Variants in LTBP1 observed in about 807,000 individuals in gnomAD.
LTBP1 encodes latent-transforming growth factor beta-binding protein 1.
Under a neutral mutation model 207.6 loss-of-function variants are expected in LTBP1, and 129 were observed. That is an observed-to-expected ratio of 0.62 (90% confidence interval 0.54 to 0.72). The LOEUF (loss-of-function observed/expected upper bound fraction) is 0.72, where lower values mean the gene tolerates loss of function less well. Among genes scored for constraint, LTBP1 ranks in the 30% least tolerant of loss-of-function variants. The pLI, the probability that LTBP1 is intolerant of heterozygous loss-of-function variation, is 0.00. For synonymous variants in LTBP1, 963 were observed against 833.7 expected (o/e 1.16, Z -2.67); for missense variants, 2,281 against 2,217.2 (o/e 1.03, Z -0.58).
intron 31 of LTBP1, among the ~76,000 whole-genome samples, chr2:33,381,032 G>T (rs2095208001): frequency 6.6e-6 from 1 of 152,140 alleles, no homozygotes; most frequent in South Asian, 2.1e-4. Flanking sequence ...AAAATATGAA[G>T]TAGATCAGTT....
chr2:33,108,783 T>G (rs1248749197), intron 3 of LTBP1, among the ~76,000 whole-genome samples: 2 of 152,176 alleles, frequency 1.3e-5, no homozygotes, highest in Non-Finnish European at 2.9e-5. Context: ...AGGATTCCTC[T>G]TTCCAAGAGG....
chr2:33,291,641 T>C (rs2148819830), intron 19 of LTBP1: 1 of 152,318 alleles, frequency 6.6e-6, no homozygotes, highest in South Asian at 2.1e-4. Context: ...TCACCATAAT[T>C]AGTGATATTT....
intron 7 of LTBP1, among the ~76,000 whole-genome samples, chr2:33,190,897 G>T (rs572211778): frequency 6.6e-6 from 1 of 152,316 alleles, no homozygotes; most frequent in East Asian, 1.9e-4. Flanking sequence ...GCTTTTGGGA[G>T]AAGGAACATC....
intron 21 of LTBP1, 64 bp downstream of exon 21, chr2:33,300,637 C>A: frequency 6.6e-7 from 1 of 1,523,064 alleles, no homozygotes; most frequent in Non-Finnish European, 8.9e-7. Flanking sequence ...GAAAAAGGTA[C>A]GCTCAATCAA....
chr2:33,045,266 A>G (rs1044684293), intron 3 of LTBP1, among the ~76,000 whole-genome samples: 6 of 152,180 alleles, frequency 3.9e-5, no homozygotes, highest in African/African-American at 1.4e-4. Flanking sequence ...TTAAGTCTTT[A>G]GTCCATCTTG....
chr2:33,123,436 G>A (rs1213243029), intron 4 of LTBP1, among the ~76,000 whole-genome samples: 5 of 151,544 alleles, frequency 3.3e-5, no homozygotes, highest in Admixed American at 3.3e-4. Context: ...AATGCAGTAT[G>A]TGTGTAAGTA....
At chr2:33,203,414 T>A (rs2089538580) in intron 7 of LTBP1, among the ~76,000 whole-genome samples, 1 of 152,170 alleles carries the variant, frequency 6.6e-6, no homozygotes, top group Admixed American at 6.5e-5. Flanking sequence ...GCTGGGACAT[T>A]AGGATAATCA....
chr2:33,212,906 TA>T (rs1302019940), intron 7 of LTBP1, among the ~76,000 whole-genome samples: 1 of 152,216 alleles, frequency 6.6e-6, no homozygotes, highest in Non-Finnish European at 1.5e-5. Context: ...AACTAACATC[TA>T]AAATACTTCT....
chr2:33,149,170 G>T (rs551985889), intron 5 of LTBP1, among the ~76,000 whole-genome samples: 1 of 144,172 alleles, frequency 6.9e-6, no homozygotes, highest in Non-Finnish European at 1.5e-5. Context: ...AGCCGAGATC[G>T]TGCCACTGCA....
intron 3 of LTBP1, among the ~76,000 whole-genome samples, chr2:33,047,963 T>A (rs575973828): frequency 1.3e-5 from 2 of 152,322 alleles, no homozygotes; most frequent in South Asian, 4.1e-4. Flanking sequence ...GTTTTCTATT[T>A]GCTTGGTAAA....
rs981898333 is a variant in LTBP1 at position 33,399,179 on chromosome 2, G to C, written c.*634G>C. The C allele has an allele frequency of 2.0e-5, 3 of 152,486 alleles. No individual in the cohort carries two copies. The highest frequency in any genetic ancestry group is 7.2e-5 in the African/African-American group (3 of 41,414). 9.4% of individuals were successfully genotyped at this position (152,486 alleles called of 1,614,324 possible). On this transcript the variant is annotated 3_prime_UTR_variant, in exon 34 of 34. Coordinates refer to ENST00000404816, the MANE Select transcript of LTBP1 (RefSeq NM_206943.4). The stretch of plus-strand genomic sequence containing the variant: ...AGTGTTTTGTCTGATTTTAATGTCC[G>C]TTCTTAGCCAAGCTGCTAGCAGGTG...
chr2:33,308,657 T>G (rs1168847143), intron 22 of LTBP1, among the ~76,000 whole-genome samples: 1 of 152,244 alleles, frequency 6.6e-6, no homozygotes, highest in Admixed American at 6.5e-5. Flanking sequence ...TATGTTACAT[T>G]GGTTTGGACT....
At chr2:33,366,962 T>C (rs1221484331) in intron 31 of LTBP1, among the ~76,000 whole-genome samples, 1 of 152,164 alleles carries the variant, frequency 6.6e-6, no homozygotes, top group Non-Finnish European at 1.5e-5. Context: ...TCCTAAAGTA[T>C]TAAAATAATC....
At chr2:33,180,859 G>C (rs2086553090) in intron 5 of LTBP1, among the ~76,000 whole-genome samples, 1 of 152,128 alleles carries the variant, frequency 6.6e-6, no homozygotes. Context: ...AAATAATGTG[G>C]TAACTTAACT....
chr2:33,005,815 G>A (rs180884083), intron 2 of LTBP1, among the ~76,000 whole-genome samples: 12 of 152,118 alleles, frequency 7.9e-5, no homozygotes, highest in Admixed American at 7.2e-4. Context: ...TCGAACTCCC[G>A]ACCTCAGGTG....
At chr2:33,138,590 A>G (rs2082329486) in intron 5 of LTBP1, among the ~76,000 whole-genome samples, 1 of 152,148 alleles carries the variant, frequency 6.6e-6, no homozygotes, top group Admixed American at 6.5e-5. Context: ...TAAAATGCAG[A>G]TGACCTTCTG....
At chr2:33,215,806 C>G (rs1380704337) in intron 7 of LTBP1, among the ~76,000 whole-genome samples, 5 of 150,600 alleles carry the variant, frequency 3.3e-5, no homozygotes, top group Admixed American at 2.7e-4. Flanking sequence ...ATCTCTGCCT[C>G]CTGGGTTCAA....
chr2:33,120,408 A>T (rs1423385151), intron 4 of LTBP1, among the ~76,000 whole-genome samples: 1 of 152,160 alleles, frequency 6.6e-6, no homozygotes, highest in Non-Finnish European at 1.5e-5. Context: ...CTTATCATTT[A>T]GCTCCCACTT....
chr2:33,089,840 C>G (rs998689063), intron 3 of LTBP1, among the ~76,000 whole-genome samples: 2 of 152,176 alleles, frequency 1.3e-5, no homozygotes, highest in African/African-American at 4.8e-5. Context: ...ATAACATTTG[C>G]TTTTCAAACA....
Sources: gnomAD v4.1 joint callset for allele counts (sites outside exome capture counted in the v4.1 genomes callset) on GRCh38, gnomAD v4.1.1 for gene constraint, MANE v1.5 for transcripts, NCBI Gene and HGNC (gene_info 2026-07-23, HGNC 2026-07-21) for gene names.